The following ITSN2 variants were observed in gnomAD, a reference collection of about 807,000 sequenced individuals.
ITSN2 encodes intersectin 2.
In ITSN2, 156 loss-of-function variants were observed where a neutral mutation model predicts 243.7. The observed-to-expected ratio is 0.64, with a 90% CI of 0.56 to 0.73. The LOEUF (loss-of-function observed/expected upper bound fraction) is 0.73. ITSN2 is among the 30% of genes least tolerant of loss of function. The pLI is 0.00. For synonymous variants in ITSN2, 703 were observed against 699.9 expected (o/e 1.00, Z -0.07); for missense variants, 1,801 against 1,996.1 (o/e 0.90, Z 1.86).
intron 17 of ITSN2, 123 bp from the exon 18 acceptor site, chr2:24,275,972 T>C: frequency 3.2e-6 from 2 of 623,690 alleles, no homozygotes; most frequent in Non-Finnish European, 5.1e-6. Context: ...ATTTAAAATA[T>C]TTAAAGTTTT....
chr2:24,317,109 G>A (rs532380796), intron 2 of ITSN2, among the ~76,000 whole-genome samples: 20 of 152,306 alleles, frequency 1.3e-4, no homozygotes, highest in Non-Finnish European at 1.5e-4. Flanking sequence ...GGCCGGGCGC[G>A]GTGGCTCACG....
intron 31 of ITSN2, among the ~76,000 whole-genome samples, chr2:24,216,577 G>A (rs1444935384): frequency 6.6e-6 from 1 of 152,118 alleles, no homozygotes; most frequent in African/African-American, 2.4e-5. Context: ...GCAACATAGT[G>A]AGACCCTGTC....
chr2:24,284,785 T>G lies in ITSN2; in HGVS notation c.1922A>C (p.Asn641Thr). The change falls in exon 17 of 40, where the codon AAC becomes ACC. Residue 641 changes from asparagine (N) to threonine (T), a missense_variant. Asn to Thr is a moderately conservative substitution (Grantham distance 65). Transcript: ENST00000355123. Reference sequence around the variant, plus strand: ...AACCTTAAGTAAGAGGAAGAGGTTGTTGAGACAGCTTAGCAGAGACAAAAG... The same window carrying G: ...AACCTTAAGTAAGAGGAAGAGGTTGGTGAGACAGCTTAGCAGAGACAAAAG... ...QCLLSLLSCL[N>T]NLFLLLKELR... The G allele has an allele frequency of 6.2e-7, 1 of 1,602,328 alleles. No individual in the cohort carries two copies. The highest frequency in any genetic ancestry group is 8.6e-7 in the Non-Finnish European group (1 of 1,169,458).
chr2:24,263,168 T>C (rs1319209682), intron 20 of ITSN2, among the ~76,000 whole-genome samples: 1 of 152,188 alleles, frequency 6.6e-6, no homozygotes, highest in African/African-American at 2.4e-5. Context: ...TATATGTACT[T>C]ACTACAGATA....
chr2:24,359,175 C>T (rs1308973300), intron 1 of ITSN2, among the ~76,000 whole-genome samples: 1 of 152,106 alleles, frequency 6.6e-6, no homozygotes, highest in Non-Finnish European at 1.5e-5. Context: ...ATGTTTTATG[C>T]GATGTTTCTA....
intron 2 of ITSN2, among the ~76,000 whole-genome samples, chr2:24,326,178 A>T (rs1685139094): frequency 6.6e-6 from 1 of 152,200 alleles, no homozygotes. Flanking sequence ...TATGCAATTA[A>T]TTCTTCAGAA....
At chr2:24,336,241 CAAAA>C (rs756236002) in intron 1 of ITSN2, among the ~76,000 whole-genome samples, 3 of 47,990 alleles carry the variant, frequency 6.3e-5, no homozygotes, top group African/African-American at 7.7e-5. Context: ...GACTCTGTCT[CAAAA>C]AAAAAAAAAA....
chr2:24,296,345 T>C (rs989697918), intron 13 of ITSN2, among the ~76,000 whole-genome samples: 2 of 152,140 alleles, frequency 1.3e-5, no homozygotes, highest in Non-Finnish European at 2.9e-5. Flanking sequence ...CAATGGGACC[T>C]AAGAAGAAGG....
intron 30 of ITSN2, 31 bp downstream of exon 30, chr2:24,220,914 C>A (rs1196843100): frequency 1.3e-6 from 2 of 1,576,920 alleles, no homozygotes; most frequent in African/African-American, 2.7e-5. Flanking sequence ...CAGCAGATAC[C>A]CCGAGAGCTA....
At chr2:24,276,573 G>A (rs953197766) in intron 17 of ITSN2, among the ~76,000 whole-genome samples, 2 of 152,186 alleles carry the variant, frequency 1.3e-5, no homozygotes, top group Non-Finnish European at 2.9e-5. Flanking sequence ...GTGATTATCT[G>A]TTCAGCATTT....
At chr2:24,221,180 C>G (rs1288951342) in intron 29 of ITSN2, 114 bp from the exon 30 acceptor site, 1 of 1,194,272 alleles carries the variant, frequency 8.4e-7, no homozygotes, top group African/African-American at 1.6e-5. Context: ...AATGACGCAG[C>G]CTTAAAAAGG....
At chr2:24,330,481 G>A in intron 1 of ITSN2, 1 of 673,654 alleles carries the variant, frequency 1.5e-6, no homozygotes, top group Non-Finnish European at 2.8e-6. Context: ...AGACCCATGA[G>A]GTTGTCTGCT....
At chr2:24,270,581 T>C in intron 20 of ITSN2, 90 bp downstream of exon 20, 1 of 681,264 alleles carries the variant, frequency 1.5e-6, no homozygotes, top group Non-Finnish European at 2.6e-6. Flanking sequence ...AAGGTAAATA[T>C]ATGAAATTAA....
rs75591227 is a variant in ITSN2 at position 24,308,500 on chromosome 2, T to G, written c.793+117A>C. 4 of 595,658 alleles carry G rather than the reference T, an allele frequency of 6.7e-6. No homozygotes were observed. In the South Asian group the frequency reaches 1.8e-4, roughly 27 times the overall value. The allele number at this position is 595,658 out of a possible 1,614,324, so 36.9% of individuals were successfully genotyped here. On this transcript the variant is annotated intron_variant, in intron 8 of 39. Transcript: ENST00000355123. ...TGTATTTATCAAATGCCTGCTAAATTTTTTGGATGTTAAAATGTCAGATGA... is the reference window on the plus strand; with the variant it reads ...TGTATTTATCAAATGCCTGCTAAATGTTTTGGATGTTAAAATGTCAGATGA...
rs371101764 is a variant in ITSN2 at position 24,208,293 on chromosome 2, G to A, written c.4622C>T (p.Ala1541Val). 85 of 1,612,258 alleles carry A rather than the reference G, an allele frequency of 5.3e-5. 1 individual carries two copies. In the Middle Eastern group the frequency reaches 6.6e-4, roughly 12 times the overall value. ...GGTGTCGATGTACTGCTCAGACGCC[G>A]CCTTGATCTTCTGCACCCAGGCGGT... Reference protein sequence around the residue: ...ERTAWVQKIKAASEQYIDTEK... With the variant: ...ERTAWVQKIKVASEQYIDTEK... Residue 1541 changes from alanine to valine, a missense_variant, in exon 37 of 40, where the codon GCG (alanine) becomes GTG (valine). This residue lies in a region of ITSN2 where 928 missense variants were observed against 1,065.4 expected (regional missense o/e 0.87). Transcript: ENST00000355123.
intron 37 of ITSN2, among the ~76,000 whole-genome samples, chr2:24,207,296 A>G (rs1668995336): frequency 6.6e-6 from 1 of 151,750 alleles, no homozygotes; most frequent in Non-Finnish European, 1.5e-5. Context: ...GCGAGGGAGG[A>G]GGACTGCAGT....
intron 13 of ITSN2, among the ~76,000 whole-genome samples, chr2:24,296,148 T>C (rs1680933623): frequency 6.6e-6 from 1 of 152,238 alleles, no homozygotes; most frequent in Non-Finnish European, 1.5e-5. Flanking sequence ...GGAATAAATG[T>C]TTGCATGTGA....
At chr2:24,248,152 C>T (rs1160491155) in intron 27 of ITSN2, among the ~76,000 whole-genome samples, 4 of 151,710 alleles carry the variant, frequency 2.6e-5, no homozygotes, top group African/African-American at 4.8e-5. Flanking sequence ...CATCTATTAA[C>T]GTTTTAGGGA....
chr2:24,257,631 A>AT (rs1006571048), intron 23 of ITSN2, among the ~76,000 whole-genome samples: 11 of 151,382 alleles, frequency 7.3e-5, no homozygotes, highest in Non-Finnish European at 1.6e-4. Context: ...TAATTTTTGT[A>AT]TTTTTTGTAG....
Sources: gnomAD v4.1 joint callset for allele counts (sites outside exome capture counted in the v4.1 genomes callset) on GRCh38, gnomAD v4.1.1 for gene constraint, gnomAD v4.1.1 regional missense constraint, MANE v1.5 for transcripts, NCBI Gene and HGNC (gene_info 2026-07-23, HGNC 2026-07-21) for gene names.